The following CNTLN variants were observed in gnomAD, a reference collection of about 807,000 sequenced individuals.
The protein encoded by CNTLN is centlein, centrosomal protein.
A neutral mutation model predicts 180.0 loss-of-function variants in CNTLN; 212 were observed. The observed-to-expected ratio is 1.18, with a 90% CI of 1.05 to 1.32. CNTLN has a LOEUF of 1.32. Ranked by LOEUF, CNTLN falls within the 40% of genes most tolerant of loss-of-function variation. The probability of loss-of-function intolerance (pLI) is 0.00; values close to 1 mark genes in which losing one functional copy is unlikely to be tolerated. For synonymous variants in CNTLN, 722 were observed against 563.1 expected, an observed-to-expected ratio of 1.28 and a Z score of -3.99; for missense variants, 2,095 against 1,610.9, an observed-to-expected ratio of 1.30 and a Z score of -5.14.
chr9:17,178,970 C>T lies in CNTLN; in HGVS notation c.449+35594C>T, dbSNP rs993251882. ...TCAGAAGTGTAGATTATTGGCCGGGCGCGGTGGCTCACGCCTGTAATCCCA... is the reference window on the plus strand; with the variant it reads ...TCAGAAGTGTAGATTATTGGCCGGGTGCGGTGGCTCACGCCTGTAATCCCA... On this transcript the variant is annotated intron_variant, in intron 2 of 25. Transcript: ENST00000380647. Among the ~76,000 whole-genome samples the T allele has an allele frequency of 1.4e-5, 2 of 146,312 alleles. 1 individual carries two copies. Among genetic ancestry groups the T allele is most frequent in the Admixed American group, 1.3e-4 (2 of 14,906 alleles).
At chr9:17,291,438 C>G (rs891774472) in intron 6 of CNTLN, among the ~76,000 whole-genome samples, 4 of 152,084 alleles carry the variant, frequency 2.6e-5, no homozygotes, top group Admixed American at 6.6e-5. Context: ...GTGTGGGAGT[C>G]TAAGTGTCTT....
intron 6 of CNTLN, among the ~76,000 whole-genome samples, chr9:17,297,621 G>C (rs1271228957): frequency 2.6e-5 from 4 of 152,076 alleles, no homozygotes; most frequent in African/African-American, 7.2e-5. Flanking sequence ...GATTTTTCTT[G>C]TGACTTTCTG....
At chr9:17,279,125 G>T (rs76301354) in intron 6 of CNTLN, among the ~76,000 whole-genome samples, 2,405 of 151,912 alleles carry the variant, frequency 0.016, 66 homozygotes, top group African/African-American at 0.055. Context: ...ATCTGTAGTT[G>T]ATTTTGGCAC....
chr9:17,354,522 T>C (rs7858760), intron 12 of CNTLN, among the ~76,000 whole-genome samples: 90,383 of 151,388 alleles, frequency 0.6, 27,187 homozygotes, highest in East Asian at 0.73. Context: ...TGTGTTTAGC[T>C]CAAGGTTTGT....
chr9:17,180,941 A>T (rs1424583377), intron 2 of CNTLN, among the ~76,000 whole-genome samples: 1 of 152,086 alleles, frequency 6.6e-6, no homozygotes, highest in Admixed American at 6.5e-5. Context: ...GTTTTTAGGT[A>T]ATAATGGTAT....
intron 18 of CNTLN, among the ~76,000 whole-genome samples, chr9:17,431,441 T>G (rs189767915): frequency 1.3e-5 from 2 of 152,314 alleles, no homozygotes; most frequent in African/African-American, 2.4e-5. Flanking sequence ...ATTATTGTTA[T>G]TAATCCCTTT....
At chr9:17,490,066 C>T (rs1220699728) in intron 25 of CNTLN, among the ~76,000 whole-genome samples, 2 of 151,994 alleles carry the variant, frequency 1.3e-5, no homozygotes, top group East Asian at 3.9e-4. Flanking sequence ...ATTACTTTGT[C>T]TATAGTTTAG....
chr9:17,143,378 T>G lies in CNTLN; in HGVS notation c.449+2T>G. ...AGTGGTCAGTTTGGTTGTGGAAAGGTGAGCTCTCAAATTATTTTTTCATGA... is the reference window on the plus strand; with the variant it reads ...AGTGGTCAGTTTGGTTGTGGAAAGGGGAGCTCTCAAATTATTTTTTCATGA... On this transcript the variant is annotated splice_donor_variant, in intron 2 of 25. Transcript: ENST00000380647. LOFTEE classifies it high-confidence loss of function. 1 of 1,610,782 alleles carries G rather than the reference T, an allele frequency of 6.2e-7. No individual in the cohort carries two copies.
intron 2 of CNTLN, among the ~76,000 whole-genome samples, chr9:17,170,747 G>C (rs1820370713): frequency 6.6e-6 from 1 of 151,150 alleles, no homozygotes; most frequent in Non-Finnish European, 1.5e-5. Flanking sequence ...TTGTAGCTCG[G>C]TGGGCTTCCT....
At chr9:17,216,352 T>C (rs1361711724) in intron 2 of CNTLN, among the ~76,000 whole-genome samples, 1 of 152,210 alleles carries the variant, frequency 6.6e-6, no homozygotes, top group Non-Finnish European at 1.5e-5. Context: ...TTGTTAATAC[T>C]TTTTTCTTGT....
intron 2 of CNTLN, among the ~76,000 whole-genome samples, chr9:17,213,527 AT>A (rs1823490402): frequency 6.6e-6 from 1 of 152,212 alleles, no homozygotes; most frequent in African/African-American, 2.4e-5. Flanking sequence ...AAGCATGTAT[AT>A]TCTGTTGACT....
At chr9:17,136,771 T>C (rs1586879900) in intron 1 of CNTLN, among the ~76,000 whole-genome samples, 3 of 152,192 alleles carry the variant, frequency 2.0e-5, no homozygotes, top group Non-Finnish European at 4.4e-5. Context: ...CGTTTTACCA[T>C]TTTTCTGTTC....
intron 13 of CNTLN, among the ~76,000 whole-genome samples, chr9:17,367,123 G>A (rs752215928): frequency 3.9e-5 from 6 of 152,218 alleles, no homozygotes; most frequent in East Asian, 3.9e-4. Flanking sequence ...TAAATTACCA[G>A]TGCCACCCTT....
At chr9:17,380,751 T>G (rs1825182039) in intron 13 of CNTLN, among the ~76,000 whole-genome samples, 1 of 152,176 alleles carries the variant, frequency 6.6e-6, no homozygotes, top group South Asian at 2.1e-4. Context: ...TATCAGACAA[T>G]GCAAGAAACA....
intron 6 of CNTLN, among the ~76,000 whole-genome samples, chr9:17,293,401 T>C (rs550883504): frequency 4.1e-4 from 63 of 152,336 alleles, no homozygotes; most frequent in Middle Eastern, 3.4e-3. Flanking sequence ...CTGTGAATAC[T>C]GTGGCTGCCT....
chr9:17,385,576 A>G (rs1825623542), intron 13 of CNTLN, among the ~76,000 whole-genome samples: 1 of 152,178 alleles, frequency 6.6e-6, no homozygotes, highest in South Asian at 2.1e-4. Flanking sequence ...TGTTTCAGGA[A>G]CTGGGGACAA....
chr9:17,292,883 G>A (rs1587530882), intron 6 of CNTLN, among the ~76,000 whole-genome samples: 1 of 152,064 alleles, frequency 6.6e-6, no homozygotes, highest in South Asian at 2.1e-4. Context: ...AGGCACTTTG[G>A]CTTTTTGAAT....
rs75104055 is a variant in CNTLN, at chr9:17,332,469, C to T, written c.1519-136C>T. The T allele has an allele frequency of 3.5e-3, 2,649 of 746,522 alleles. 66 individuals carry two copies. The African/African-American group carries it at 0.046, about 13-fold the overall frequency. 46.2% of individuals were successfully genotyped at this position (746,522 alleles called of 1,614,324 possible). Reference sequence around the variant, plus strand: ...TGTGGTAATTCCGCTTGTTATTTCTCTGGTATTCCATGCAGGATTTTTTTT... The same window carrying T: ...TGTGGTAATTCCGCTTGTTATTTCTTTGGTATTCCATGCAGGATTTTTTTT... On this transcript the variant is annotated intron_variant, in intron 9 of 25. Coordinates refer to ENST00000380647, the MANE Select transcript of CNTLN (RefSeq NM_017738.4).
At chr9:17,510,977 C>A in the CNTLN span, among the ~76,000 whole-genome samples, 2 of 152,346 alleles carry the variant, frequency 1.3e-5, no homozygotes, top group South Asian at 4.1e-4. Context: ...AGCTATAACA[C>A]TCTGCAACCC....
Sources: allele counts gnomAD v4.1 joint callset (sites outside exome capture counted in the v4.1 genomes callset), GRCh38; gene constraint gnomAD v4.1.1; transcripts MANE v1.5; gene names NCBI Gene and HGNC (gene_info 2026-07-23, HGNC 2026-07-21).